MKLN1: variants seen among roughly 807,000 people sequenced by gnomAD.
The protein encoded by MKLN1 is muskelin.
Under a neutral mutation model 99.0 loss-of-function variants are expected in MKLN1, and 18 were observed. The ratio of observed to expected loss-of-function variants is 0.18; its 90% CI spans 0.13 to 0.27. MKLN1 has a LOEUF of 0.27. MKLN1 is among the 10% of genes least tolerant of loss of function. The pLI, the probability that MKLN1 is intolerant of heterozygous loss-of-function variation, is 1.00. For missense variants in MKLN1, 621 were observed against 875.9 expected, an observed-to-expected ratio of 0.71 and a Z score of 3.67; for synonymous variants, 288 against 293.2, an observed-to-expected ratio of 0.98 and a Z score of 0.18.
In MKLN1 at chr7:131,129,946, G is replaced by A. The variant is rs148099320; in HGVS notation, c.-418-12874G>A. Reference sequence around the variant, plus strand: ...TGACCACAGAAAAATATTAACAGTGGCAATATTGTGGTAGTGGATTTATAA... The same window carrying A: ...TGACCACAGAAAAATATTAACAGTGACAATATTGTGGTAGTGGATTTATAA... On this transcript the variant is annotated intron_variant, in intron 1 of 7. Transcript: ENST00000416992. Among the ~76,000 whole-genome samples the A allele has an allele frequency of 2.0e-3, 302 of 152,224 alleles. 2 individuals carry two copies. The highest frequency in any genetic ancestry group is 6.7e-3 in the African/African-American group (278 of 41,532).
intron 12 of MKLN1, among the ~76,000 whole-genome samples, chr7:131,448,184 C>T (rs1045740007): frequency 1.3e-5 from 2 of 152,074 alleles, no homozygotes; most frequent in African/African-American, 2.4e-5. Flanking sequence ...GCCGATATCA[C>T]GCCACTGCAC....
chr7:131,179,025 T>C (rs1796340915), intron 2 of MKLN1, among the ~76,000 whole-genome samples: 1 of 152,232 alleles, frequency 6.6e-6, no homozygotes, highest in Non-Finnish European at 1.5e-5. Context: ...TCTTCTGTTG[T>C]TAAGTAGGAA....
intron 2 of MKLN1, among the ~76,000 whole-genome samples, chr7:131,200,636 A>G (rs771913033): frequency 6.6e-6 from 1 of 152,224 alleles, no homozygotes; most frequent in Non-Finnish European, 1.5e-5. Flanking sequence ...CATTATATCA[A>G]AATTGAAGAT....
At chr7:131,120,553 AAAAAAAAAAAAAG>A (rs1285545252) in intron 1 of MKLN1, among the ~76,000 whole-genome samples, 1 of 145,570 alleles carries the variant, frequency 6.9e-6, no homozygotes, top group Non-Finnish European at 1.5e-5. Flanking sequence ...CCTCTCAAAA[AAAAAAAAAAAAAG>A]AAAAAAGAAA....
At chr7:131,321,210 A>G (rs1344566583) in intron 3 of MKLN1, among the ~76,000 whole-genome samples, 1 of 151,854 alleles carries the variant, frequency 6.6e-6, no homozygotes, top group African/African-American at 2.4e-5. Context: ...CTGGAAAAAG[A>G]AAATGTGGCA....
chr7:131,327,619 G>C, upstream of MKLN1: 2 of 412,854 alleles, frequency 4.8e-6, no homozygotes, highest in Non-Finnish European at 4.3e-6. Flanking sequence ...CCTTACCTCT[G>C]CTTGTAAGAA....
At chr7:131,151,470 C>A (rs569697102) in intron 2 of MKLN1, among the ~76,000 whole-genome samples, 1 of 152,182 alleles carries the variant, frequency 6.6e-6, no homozygotes, top group Non-Finnish European at 1.5e-5. Context: ...TAAGATTATC[C>A]TATTACACCA....
intron 1 of MKLN1, among the ~76,000 whole-genome samples, chr7:131,336,567 C>T (rs187342858): frequency 6.6e-6 from 1 of 151,908 alleles, no homozygotes; most frequent in East Asian, 1.9e-4. Context: ...TTATTCCTCC[C>T]TTTGTTAGCT....
At chr7:131,332,151 A>G (rs978739957) in intron 1 of MKLN1, among the ~76,000 whole-genome samples, 2 of 151,916 alleles carry the variant, frequency 1.3e-5, no homozygotes, top group African/African-American at 4.8e-5. Context: ...AAAAATGAAT[A>G]TAGGCTAGGC....
At position 131,202,146 on chromosome 7, in the gene MKLN1, CTTTTTTTTTTTTT is replaced by C. The variant is rs58800874; in HGVS notation, c.-296-691_-296-679del. Among the ~76,000 whole-genome samples the C allele has an allele frequency of 1.2e-4, 7 of 60,274 alleles. No homozygotes were observed. In the East Asian group the frequency reaches 1.8e-3, roughly 15 times the overall value. 39.5% of individuals were successfully genotyped at this position (60,274 alleles called of 152,430 possible). ...GGTTTCTCCACTTTGGCACTATTGA[CTTTTTTTTTTTTT>C]TTTTTTTTTTTTTTTTTTTGAGATG... On this transcript the variant is annotated intron_variant, in intron 2 of 7. Coordinates refer to the MKLN1 transcript ENST00000416992.
At chr7:131,245,508 T>C (rs1797473425) in intron 3 of MKLN1, among the ~76,000 whole-genome samples, 1 of 152,106 alleles carries the variant, frequency 6.6e-6, no homozygotes, top group Non-Finnish European at 1.5e-5. Flanking sequence ...CCTCAGGTGA[T>C]CCGCGCCCCC....
intron 2 of MKLN1, among the ~76,000 whole-genome samples, chr7:131,155,594 A>G (rs953530410): frequency 2.6e-5 from 4 of 152,122 alleles, no homozygotes; most frequent in Admixed American, 6.6e-5. Flanking sequence ...CTTTGTAAAC[A>G]CTATTTTACA....
At chr7:131,331,677 CTT>C (rs1799079394) in intron 1 of MKLN1, among the ~76,000 whole-genome samples, 1 of 152,032 alleles carries the variant, frequency 6.6e-6, no homozygotes, top group Non-Finnish European at 1.5e-5. Flanking sequence ...CATATTGGGC[CTT>C]TTGACTTCTG....
Position 131,131,525 on chromosome 7 carries a change from G to A in MKLN1, c.-418-11295G>A, listed in dbSNP as rs151177129. On this transcript the variant is annotated intron_variant, in intron 1 of 7. Transcript: ENST00000416992. ...CAGTTAATCTTCCCCAGCAGCTGGAGAAACAGGTATTGTTATCCCCATTTT... is the reference window on the plus strand; with the variant it reads ...CAGTTAATCTTCCCCAGCAGCTGGAAAAACAGGTATTGTTATCCCCATTTT... 4.0e-3 allele frequency among the ~76,000 whole-genome samples: 615 copies of A among 152,290 alleles called. 4 individuals are homozygous for A. Among genetic ancestry groups the A allele is most frequent in the African/African-American group, 0.014 (567 of 41,562 alleles).
chr7:131,170,735 C>G (rs893321633), intron 2 of MKLN1, among the ~76,000 whole-genome samples: 7 of 152,190 alleles, frequency 4.6e-5, no homozygotes, highest in Admixed American at 1.3e-4. Context: ...CCTGGGGTCT[C>G]TGGCTTCTCA....
intron 2 of MKLN1, among the ~76,000 whole-genome samples, chr7:131,144,780 C>T (rs924923758): frequency 6.6e-6 from 1 of 152,006 alleles, no homozygotes; most frequent in Non-Finnish European, 1.5e-5. Flanking sequence ...GAGTTCAAGA[C>T]CAGCCTGACC....
chr7:131,369,461 G>A (rs972298128), intron 1 of MKLN1, among the ~76,000 whole-genome samples: 5 of 151,950 alleles, frequency 3.3e-5, no homozygotes, highest in Non-Finnish European at 7.4e-5. Flanking sequence ...CAATACACAG[G>A]GATTTTGAGA....
At chr7:131,392,298 T>A (rs1563325797) in intron 4 of MKLN1, among the ~76,000 whole-genome samples, 1 of 152,066 alleles carries the variant, frequency 6.6e-6, no homozygotes, top group Non-Finnish European at 1.5e-5. Flanking sequence ...CCTGGATGAT[T>A]GTGGAGACTT....
chr7:131,275,365 GTT>G (rs909251138), intron 3 of MKLN1, among the ~76,000 whole-genome samples: 4 of 105,204 alleles, frequency 3.8e-5, no homozygotes, highest in South Asian at 3.3e-4. Context: ...GTTGTTGTTG[GTT>G]TTTTTTTTTT....
Sources: allele counts gnomAD v4.1 joint callset (sites outside exome capture counted in the v4.1 genomes callset), GRCh38; gene constraint gnomAD v4.1.1; transcripts MANE v1.5; gene names NCBI Gene and HGNC (gene_info 2026-07-23, HGNC 2026-07-21).